MAPRE2: variants seen among roughly 807,000 people sequenced by gnomAD.
MAPRE2 encodes microtubule associated protein RP/EB family member 2.
A neutral mutation model predicts 43.2 loss-of-function variants in MAPRE2; 13 were observed. That is an observed-to-expected ratio of 0.30 (90% CI 0.20 to 0.48). The LOEUF (loss-of-function observed/expected upper bound fraction) is 0.48, where lower values mean the gene tolerates loss of function less well. Ranked by LOEUF, MAPRE2 falls within the 20% of genes least tolerant of loss-of-function variation. MAPRE2 has a pLI of 0.99. For missense variants in MAPRE2, 161 were observed against 400.2 expected (o/e 0.40, Z 5.10); for synonymous variants, 135 against 148.8 (o/e 0.91, Z 0.68).
intron 1 of MAPRE2, among the ~76,000 whole-genome samples, chr18:35,054,831 T>G (rs1401299929): frequency 2.0e-5 from 3 of 152,306 alleles, no homozygotes; most frequent in African/African-American, 7.2e-5. Flanking sequence ...CATGAAGACA[T>G]TGGAAAATCT....
chr18:35,062,134 A>T (rs62095436), intron 1 of MAPRE2, among the ~76,000 whole-genome samples: 30 of 152,178 alleles, frequency 2.0e-4, no homozygotes, highest in Non-Finnish European at 4.1e-4. Flanking sequence ...CTGTGTTTAC[A>T]AGGCTTTTCA....
At chr18:34,980,858 T>C (rs981142820) in intron 1 of MAPRE2, among the ~76,000 whole-genome samples, 4 of 152,176 alleles carry the variant, frequency 2.6e-5, no homozygotes, top group African/African-American at 9.7e-5. Context: ...AATAGTTAAA[T>C]AGCTTTTATT....
chr18:35,112,705 C>A (rs1006194517), intron 4 of MAPRE2, among the ~76,000 whole-genome samples: 1 of 152,102 alleles, frequency 6.6e-6, no homozygotes, highest in Admixed American at 6.5e-5. Flanking sequence ...TTTTTTTCTT[C>A]TGATTACATG....
rs553273288 is a variant in MAPRE2 at position 34,991,120 on chromosome 18, G to A, written c.-70+14041G>A. ...GAGGTACAACTGAACACATCACCCTGGTAATGAGCATAGTATCCAACAGGT... is the reference window on the plus strand; with the variant it reads ...GAGGTACAACTGAACACATCACCCTAGTAATGAGCATAGTATCCAACAGGT... On this transcript the variant is annotated intron_variant, in intron 1 of 7. Transcript: ENST00000413393. 1.3e-4 allele frequency among the ~76,000 whole-genome samples: 20 copies of A among 152,210 alleles called. No individual in the cohort carries two copies. The South Asian group carries it at 3.5e-3, about 27-fold the overall frequency.
At chr18:35,041,241 G>A, upstream of MAPRE2, 1 of 1,136,858 alleles carries the variant, frequency 8.8e-7, no homozygotes, top group Admixed American at 3.4e-5. Flanking sequence ...GTGCCTGCCT[G>A]GAGCTGCTGG....
intron 2 of MAPRE2, among the ~76,000 whole-genome samples, chr18:35,033,312 A>G (rs2097048733): frequency 1.3e-5 from 2 of 151,952 alleles, no homozygotes; most frequent in Non-Finnish European, 2.9e-5. Context: ...AAATTCAACA[A>G]CCTTCATGCT....
intron 6 of MAPRE2, among the ~76,000 whole-genome samples, chr18:35,136,081 G>A (rs1278162737): frequency 6.6e-6 from 1 of 152,212 alleles, no homozygotes; most frequent in African/African-American, 2.4e-5. Flanking sequence ...TTTGGAAGAT[G>A]TGAAAATCCA....
intron 2 of MAPRE2, among the ~76,000 whole-genome samples, chr18:35,008,127 T>C (rs1331591271): frequency 4.6e-5 from 7 of 152,140 alleles, no homozygotes; most frequent in Non-Finnish European, 8.8e-5. Context: ...TTGTTTCTCA[T>C]CCAAATCTGT....
At chr18:35,098,452 A>G (rs1908523426) in intron 3 of MAPRE2, among the ~76,000 whole-genome samples, 1 of 152,214 alleles carries the variant, frequency 6.6e-6, no homozygotes, top group African/African-American at 2.4e-5. Context: ...AAAGTTTGAT[A>G]AACTATGTAT....
Position 35,140,519 on chromosome 18 carries a change from C to T in MAPRE2, c.*150C>T. Reference sequence around the variant, plus strand: ...ACTGTTGCATATGCCAGCCACTGCGCTTGGTTCCCATTTTCTTTGCCAAGG... The same window carrying T: ...ACTGTTGCATATGCCAGCCACTGCGTTTGGTTCCCATTTTCTTTGCCAAGG... On this transcript the variant is annotated 3_prime_UTR_variant, in exon 7 of 7. Coordinates refer to ENST00000300249, the MANE Select transcript of MAPRE2 (RefSeq NM_014268.4). The T allele has an allele frequency of 1.3e-6, 1 of 757,594 alleles. No individual in the cohort carries two copies. The highest frequency in any genetic ancestry group is 2.1e-6 in the Non-Finnish European group (1 of 473,876). The allele number at this position is 757,594 out of a possible 1,614,324, so 46.9% of individuals were successfully genotyped here.
intron 1 of MAPRE2, among the ~76,000 whole-genome samples, chr18:35,042,491 A>G (rs1905418589): frequency 1.3e-5 from 2 of 152,102 alleles, no homozygotes; most frequent in South Asian, 2.1e-4. Flanking sequence ...TTACATTAAC[A>G]TATCTGGCAA....
intron 1 of MAPRE2, among the ~76,000 whole-genome samples, chr18:34,996,359 C>T (rs2150576745): frequency 6.6e-6 from 1 of 152,258 alleles, no homozygotes; most frequent in South Asian, 2.1e-4. Flanking sequence ...CAGCGGGCAA[C>T]CTAGATCCCT....
chr18:35,087,693 G>A (rs889496111), intron 2 of MAPRE2, among the ~76,000 whole-genome samples: 2 of 152,130 alleles, frequency 1.3e-5, no homozygotes, highest in African/African-American at 4.8e-5. Context: ...TGTATTAAAT[G>A]TTTAGATACA....
chr18:35,001,926 G>C (rs1160715666), intron 1 of MAPRE2, among the ~76,000 whole-genome samples: 1 of 152,092 alleles, frequency 6.6e-6, no homozygotes, highest in Admixed American at 6.5e-5. Context: ...ATAATATAGA[G>C]AGATCCCATA....
At chr18:34,979,095 AGTGCC>A (rs1208989378) in intron 1 of MAPRE2, among the ~76,000 whole-genome samples, 2 of 152,140 alleles carry the variant, frequency 1.3e-5, no homozygotes, top group African/African-American at 4.8e-5. Context: ...CTGAAACTGG[AGTGCC>A]GATGACTAAC....
At chr18:35,098,012 T>G (rs1033154791) in intron 3 of MAPRE2, among the ~76,000 whole-genome samples, 2 of 152,194 alleles carry the variant, frequency 1.3e-5, no homozygotes, top group African/African-American at 4.8e-5. Context: ...AGTTTACCCA[T>G]CTGTACAATG....
rs1908477662 is a variant in MAPRE2 at position 35,097,365 on chromosome 18, A to G, written c.251-81A>G. The G allele has an allele frequency of 3.0e-6, 4 of 1,319,018 alleles. No homozygotes were observed. The East Asian group carries it at 9.2e-5, about 31-fold the overall frequency. 81.7% of individuals were successfully genotyped at this position (1,319,018 alleles called of 1,614,324 possible). ...GAGTGATGATGGTGCCTGTAAGGACAATCCCCTTCCAGCCTAGCAGTCCTC... is the reference window on the plus strand; with the variant it reads ...GAGTGATGATGGTGCCTGTAAGGACGATCCCCTTCCAGCCTAGCAGTCCTC... On this transcript the variant is annotated intron_variant, in intron 2 of 6. Coordinates refer to ENST00000300249, the MANE Select transcript of MAPRE2 (RefSeq NM_014268.4).
chr18:34,988,264 T>C (rs147629341), intron 1 of MAPRE2, among the ~76,000 whole-genome samples: 12 of 152,284 alleles, frequency 7.9e-5, no homozygotes, highest in African/African-American at 2.9e-4. Flanking sequence ...CATAGATAAT[T>C]CTTTTTGAGT....
intron 2 of MAPRE2, among the ~76,000 whole-genome samples, chr18:35,026,349 G>A (rs1221002374): frequency 6.6e-6 from 1 of 152,204 alleles, no homozygotes; most frequent in Non-Finnish European, 1.5e-5. Flanking sequence ...CTCATTAAAT[G>A]TACTGTGTAT....
Sources: allele counts gnomAD v4.1 joint callset (sites outside exome capture counted in the v4.1 genomes callset), GRCh38; gene constraint gnomAD v4.1.1; transcripts MANE v1.5; gene names NCBI Gene and HGNC (gene_info 2026-07-23, HGNC 2026-07-21).